CPA6: variants seen among roughly 807,000 people sequenced by gnomAD.
CPA6 encodes carboxypeptidase B.
Under a neutral mutation model 63.3 loss-of-function variants are expected in CPA6, and 58 were observed. The ratio of observed to expected loss-of-function variants is 0.92; its 90% CI spans 0.74 to 1.14. The LOEUF is 1.14. Ranked by LOEUF, CPA6 falls within the 50% of genes most tolerant of loss-of-function variation. CPA6 has a pLI of 0.00. For synonymous variants in CPA6, 185 were observed against 179.0 expected, an observed-to-expected ratio of 1.03 and a Z score of -0.27; for missense variants, 565 against 526.6, an observed-to-expected ratio of 1.07 and a Z score of -0.71.
At chr8:67,644,837 G>A (rs1815680810) in intron 1 of CPA6, among the ~76,000 whole-genome samples, 1 of 152,120 alleles carries the variant, frequency 6.6e-6, no homozygotes, top group Admixed American at 6.6e-5. Flanking sequence ...TGGGGTATGT[G>A]GAGACTTTCC....
At chr8:67,630,754 G>A (rs961274163) in intron 1 of CPA6, among the ~76,000 whole-genome samples, 7 of 152,214 alleles carry the variant, frequency 4.6e-5, no homozygotes, top group Admixed American at 3.3e-4. Context: ...CCAGGGCTGC[G>A]CACGGTGCTA....
chr8:67,564,801 T>G (rs563970354), intron 2 of CPA6, among the ~76,000 whole-genome samples: 2 of 152,356 alleles, frequency 1.3e-5, no homozygotes, highest in East Asian at 1.9e-4. Flanking sequence ...TTTCTTTTTA[T>G]GTAAAATGAT....
At chr8:67,604,841 G>A (rs552567420) in intron 2 of CPA6, among the ~76,000 whole-genome samples, 8 of 152,026 alleles carry the variant, frequency 5.3e-5, no homozygotes, top group Non-Finnish European at 8.8e-5. Flanking sequence ...GCAATGGTGC[G>A]GTCTCAGCTC....
chr8:67,723,208 C>A (rs946595540), intron 1 of CPA6, among the ~76,000 whole-genome samples: 2 of 152,106 alleles, frequency 1.3e-5, no homozygotes, highest in East Asian at 1.9e-4. Context: ...TTAGAAAAAT[C>A]AACACATACA....
intron 2 of CPA6, among the ~76,000 whole-genome samples, chr8:67,595,901 C>A (rs2128982227): frequency 6.6e-6 from 1 of 152,298 alleles, no homozygotes; most frequent in Non-Finnish European, 1.5e-5. Flanking sequence ...TGTCCTGCGC[C>A]CACTGTCTGG....
chr8:67,681,158 TA>T (rs1816583231), intron 1 of CPA6, among the ~76,000 whole-genome samples: 2 of 151,002 alleles, frequency 1.3e-5, no homozygotes, highest in Non-Finnish European at 2.9e-5. Flanking sequence ...TTTGGTGTCA[TA>T]TGTAAGAAAT....
chr8:67,606,883 G>T (rs1290275755), intron 2 of CPA6, among the ~76,000 whole-genome samples: 1 of 152,114 alleles, frequency 6.6e-6, no homozygotes, highest in African/African-American at 2.4e-5. Context: ...GGTTTGTTCA[G>T]GTTTGAGGTC....
intron 1 of CPA6, among the ~76,000 whole-genome samples, chr8:67,633,629 A>C (rs1183214122): frequency 1.3e-5 from 2 of 150,432 alleles, no homozygotes; most frequent in African/African-American, 2.5e-5. Context: ...TGCAGTGAGC[A>C]GAGATCGCGC....
chr8:67,513,273 G>T (rs1732882293), intron 3 of CPA6, among the ~76,000 whole-genome samples: 1 of 152,090 alleles, frequency 6.6e-6, no homozygotes, highest in African/African-American at 2.4e-5. Context: ...TTACAATATT[G>T]CTAAAGTAAG....
intron 8 of CPA6, among the ~76,000 whole-genome samples, chr8:67,436,599 C>T (rs1810161984): frequency 6.6e-6 from 1 of 151,956 alleles, no homozygotes; most frequent in South Asian, 2.1e-4. Context: ...AACCAGGAGG[C>T]TTTTCTAGTT....
intron 8 of CPA6, among the ~76,000 whole-genome samples, chr8:67,468,997 C>G (rs1240995924): frequency 6.6e-6 from 1 of 152,190 alleles, no homozygotes; most frequent in Non-Finnish European, 1.5e-5. Flanking sequence ...TTAGTCTACC[C>G]TGGTGTCAAA....
intron 2 of CPA6, among the ~76,000 whole-genome samples, 151 bp downstream of exon 2, chr8:67,624,020 CAAAAT>C (rs767653104): frequency 1.9e-4 from 29 of 151,744 alleles, no homozygotes; most frequent in Non-Finnish European, 3.1e-4. Context: ...TAAAATAAAA[CAAAAT>C]AAAATAAAAT....
At chr8:67,581,833 A>G (rs1813780861) in intron 2 of CPA6, among the ~76,000 whole-genome samples, 2 of 152,186 alleles carry the variant, frequency 1.3e-5, no homozygotes, top group Admixed American at 6.5e-5. Flanking sequence ...GAGAATGGAG[A>G]ACATAAGGGC....
chr8:67,730,893 T>C (rs1029551235), intron 1 of CPA6, among the ~76,000 whole-genome samples: 1 of 152,210 alleles, frequency 6.6e-6, no homozygotes, highest in African/African-American at 2.4e-5. Flanking sequence ...CCATGTATAA[T>C]AACTATAAGT....
At chr8:67,441,780 A>G (rs575430167) in intron 8 of CPA6, among the ~76,000 whole-genome samples, 1 of 152,306 alleles carries the variant, frequency 6.6e-6, no homozygotes, top group South Asian at 2.1e-4. Flanking sequence ...TGATTTAAAT[A>G]ACAAAAACAA....
chr8:67,497,731 G>T (rs1351604701), intron 6 of CPA6, among the ~76,000 whole-genome samples: 3 of 150,046 alleles, frequency 2.0e-5, no homozygotes, highest in Non-Finnish European at 4.4e-5. Context: ...TTGCTCTGTT[G>T]CCCACGCTGG....
At chr8:67,566,313 G>A (rs1813335289) in intron 2 of CPA6, among the ~76,000 whole-genome samples, 1 of 152,172 alleles carries the variant, frequency 6.6e-6, no homozygotes, top group African/African-American at 2.4e-5. Context: ...GCACTGGGAT[G>A]GGCATCTCCT....
At chr8:67,430,842 G>C (rs1810010785) in intron 9 of CPA6, among the ~76,000 whole-genome samples, 1 of 152,056 alleles carries the variant, frequency 6.6e-6, no homozygotes, top group Non-Finnish European at 1.5e-5. Context: ...ATGTCCATGG[G>C]GAAGCAAATT....
chr8:67,649,424 C>G (rs1190174413), intron 1 of CPA6, among the ~76,000 whole-genome samples: 1 of 152,062 alleles, frequency 6.6e-6, no homozygotes, highest in East Asian at 1.9e-4. Flanking sequence ...TACAATGATG[C>G]CCAATAGTTT....
Sources: allele counts gnomAD v4.1 joint callset (sites outside exome capture counted in the v4.1 genomes callset), GRCh38; gene constraint gnomAD v4.1.1; transcripts MANE v1.5; gene names NCBI Gene and HGNC (gene_info 2026-07-23, HGNC 2026-07-21).